The following FOXP2 variants were observed in gnomAD, a reference collection of about 807,000 sequenced individuals.
FOXP2 encodes the protein forkhead box P2.
In FOXP2, 12 loss-of-function variants were observed where a neutral mutation model predicts 115.8. That is an observed-to-expected ratio of 0.10 (90% CI 0.07 to 0.17). The LOEUF (loss-of-function observed/expected upper bound fraction) is 0.17, where lower values mean the gene tolerates loss of function less well. Ranked by LOEUF, FOXP2 falls within the 10% of genes least tolerant of loss-of-function variation. The pLI, the probability that FOXP2 is intolerant of heterozygous loss-of-function variation, is 1.00. For synonymous variants in FOXP2, 328 were observed against 297.7 expected (o/e 1.10, Z -1.05); for missense variants, 629 against 843.5 (o/e 0.75, Z 3.15).
intron 2 of FOXP2, among the ~76,000 whole-genome samples, chr7:114,454,828 A>G (rs1371099763): frequency 7.9e-6 from 1 of 126,796 alleles, no homozygotes; most frequent in Admixed American, 8.3e-5. Context: ...ATGAGATCAC[A>G]TGGACACAGG....
At chr7:114,409,859 A>G (rs1377805042), upstream of FOXP2, among the ~76,000 whole-genome samples, 1 of 152,092 alleles carries the variant, frequency 6.6e-6, no homozygotes, top group African/African-American at 2.4e-5. Context: ...TGCCCATGGA[A>G]TACAATTTGG....
At chr7:114,536,578 G>C (rs556522629) in intron 3 of FOXP2, among the ~76,000 whole-genome samples, 1 of 151,246 alleles carries the variant, frequency 6.6e-6, no homozygotes, top group African/African-American at 2.4e-5. Flanking sequence ...TTGAGCAGAA[G>C]TGTCCAGTCT....
At chr7:114,559,956 A>G (rs1800682000) in intron 3 of FOXP2, among the ~76,000 whole-genome samples, 1 of 152,140 alleles carries the variant, frequency 6.6e-6, no homozygotes, top group Admixed American at 6.5e-5. Context: ...AATGGATTTA[A>G]TAGGTTAATA....
chr7:114,685,853 A>G (rs570810528), intron 16 of FOXP2, among the ~76,000 whole-genome samples: 17 of 152,300 alleles, frequency 1.1e-4, no homozygotes, highest in African/African-American at 4.1e-4. Flanking sequence ...AGGAAATAAT[A>G]CAGTGTCTAG....
chr7:114,341,841 T>G (rs1201193572), intron 2 of FOXP2, among the ~76,000 whole-genome samples: 1 of 151,408 alleles, frequency 6.6e-6, no homozygotes, highest in Non-Finnish European at 1.5e-5. Flanking sequence ...AATGACATTT[T>G]ATAGTCTGCT....
chr7:114,286,089 A>T (rs1336451709), intron 1 of FOXP2, among the ~76,000 whole-genome samples: 4 of 151,832 alleles, frequency 2.6e-5, no homozygotes, highest in Non-Finnish European at 5.9e-5. Context: ...ATATGGTGTG[A>T]TAAGGTGCCC....
intron 1 of FOXP2, among the ~76,000 whole-genome samples, chr7:114,269,618 C>G (rs1795986239): frequency 2.6e-5 from 4 of 152,006 alleles, no homozygotes. Context: ...GTATAAATAA[C>G]ATGATTCTGT....
At chr7:114,217,905 A>G (rs899457908) in intron 1 of FOXP2, among the ~76,000 whole-genome samples, 21 of 152,176 alleles carry the variant, frequency 1.4e-4, no homozygotes, top group Admixed American at 4.6e-4. Flanking sequence ...AAGTATCCCA[A>G]TAGTGTTGTC....
intron 2 of FOXP2, among the ~76,000 whole-genome samples, chr7:114,447,367 C>T (rs1584746861): frequency 1.3e-5 from 2 of 151,986 alleles, no homozygotes; most frequent in East Asian, 1.9e-4. Context: ...GAAGATACTT[C>T]GCACCCTTCG....
At chr7:114,486,262 G>A (rs1247448866) in intron 2 of FOXP2, among the ~76,000 whole-genome samples, 1 of 152,066 alleles carries the variant, frequency 6.6e-6, no homozygotes, top group African/African-American at 2.4e-5. Context: ...TTACATGGTG[G>A]CAGGCAAGAG....
intron 3 of FOXP2, among the ~76,000 whole-genome samples, chr7:114,583,774 G>A (rs1298253753): frequency 1.3e-5 from 2 of 152,124 alleles, no homozygotes; most frequent in African/African-American, 4.8e-5. Flanking sequence ...TGACTTCTGA[G>A]CAAATAGTTC....
At chr7:114,506,172 C>T (rs75121719) in intron 2 of FOXP2, among the ~76,000 whole-genome samples, 2 of 151,590 alleles carry the variant, frequency 1.3e-5, no homozygotes, top group Non-Finnish European at 3.0e-5. Flanking sequence ...ATTGTTTATT[C>T]ATACTAAGGA....
intron 1 of FOXP2, among the ~76,000 whole-genome samples, chr7:114,133,451 G>A (rs890917794): frequency 6.6e-6 from 1 of 152,176 alleles, no homozygotes; most frequent in Non-Finnish European, 1.5e-5. Flanking sequence ...TAGAAATTAC[G>A]AGGCTAGATG....
intron 2 of FOXP2, among the ~76,000 whole-genome samples, chr7:114,294,871 C>A (rs62469212): frequency 0.42 from 52,834 of 124,870 alleles, 10,744 homozygotes; most frequent in Non-Finnish European, 0.53. Context: ...TAAATACATA[C>A]ATACATACAT....
At chr7:114,570,733 G>T (rs920250367) in intron 3 of FOXP2, 1 of 1,092,494 alleles carries the variant, frequency 9.2e-7, no homozygotes, top group Non-Finnish European at 1.4e-6. Context: ...TTTTAAAAAT[G>T]ATAATGTACG....
Position 114,395,888 on chromosome 7 carries a change from TTC to T in FOXP2, c.-10-30612_-10-30611del, listed in dbSNP as rs904439486. ...TTCTTTCTTTTTTTAAAAAAATTTT[TTC>T]TAACTACATAGTAGGCATTTATGTG... is the stretch of plus-strand genomic sequence containing the variant. On this transcript the variant is annotated intron_variant, in intron 2 of 17. Coordinates refer to the FOXP2 transcript ENST00000634411. Among the ~76,000 whole-genome samples the T allele has an allele frequency of 3.8e-4, 58 of 152,066 alleles. 1 individual carries two copies. The highest frequency in any genetic ancestry group is 1.3e-3 in the African/African-American group (54 of 41,516).
chr7:114,654,223 T>A, intron 10 of FOXP2: 1 of 1,164,016 alleles, frequency 8.6e-7, no homozygotes, highest in Non-Finnish European at 1.2e-6. Flanking sequence ...TGGGTGACAC[T>A]AAACAAAGTA....
At chr7:114,114,973 T>G (rs1791363460) in intron 1 of FOXP2, among the ~76,000 whole-genome samples, 1 of 152,184 alleles carries the variant, frequency 6.6e-6, no homozygotes, top group African/African-American at 2.4e-5. Flanking sequence ...AATAGAACAT[T>G]ACTTAAACAG....
intron 1 of FOXP2, among the ~76,000 whole-genome samples, chr7:114,212,124 T>TAAA (rs1554431719): frequency 5.6e-5 from 8 of 143,074 alleles, no homozygotes; most frequent in East Asian, 2.0e-4. Flanking sequence ...TAAAATAAAA[T>TAAA]ATATATATAT....
Sources: gnomAD v4.1 joint callset for allele counts (sites outside exome capture counted in the v4.1 genomes callset) on GRCh38, gnomAD v4.1.1 for gene constraint, MANE v1.5 for transcripts, NCBI Gene and HGNC (gene_info 2026-07-23, HGNC 2026-07-21) for gene names.